Variants in CDH4 observed in about 807,000 individuals in gnomAD.
CDH4 encodes cadherin 4.
In CDH4, 33 loss-of-function variants were observed where a neutral mutation model predicts 86.0. The ratio of observed to expected loss-of-function variants is 0.38; its 90% CI spans 0.29 to 0.51. CDH4 has a LOEUF of 0.51. Ranked by LOEUF, CDH4 falls within the 20% of genes least tolerant of loss-of-function variation. The probability of loss-of-function intolerance (pLI) is 0.86; values close to 1 mark genes in which losing one functional copy is unlikely to be tolerated. For missense variants in CDH4, 1,114 were observed against 1,307.4 expected (o/e 0.85, Z 2.28); for synonymous variants, 555 against 549.4 (o/e 1.01, Z -0.14).
chr20:61,390,172 AGTGCCGTGTCTGGG>A (rs2084974517), intron 2 of CDH4, among the ~76,000 whole-genome samples: 1 of 147,058 alleles, frequency 6.8e-6, no homozygotes, highest in Non-Finnish European at 1.5e-5. Context: ...AGGTGCCCAT[AGTGCCGTGTCTGGG>A]AAACCCCGAT....
chr20:61,593,224 A>G lies in CDH4; in HGVS notation c.170-150339A>G, dbSNP rs183492330. ...AAACTCACACACGCTCATGGGCTAC[A>G]CTTTGTCCGTCCTTGCCTGGGCTGA... On this transcript the variant is annotated intron_variant, in intron 2 of 15. Transcript: ENST00000614565. Among the ~76,000 whole-genome samples the G allele has an allele frequency of 1.9e-4, 29 of 152,366 alleles. No individual in the cohort carries two copies. In the East Asian group the frequency reaches 3.5e-3, roughly 18 times the overall value.
rs1449913916 is a variant in CDH4 at position 61,754,711 on chromosome 20, ACCGCACACACACTGCACGCC to A, written c.396+10933_396+10952del. Among the ~76,000 whole-genome samples, 3 of 141,978 alleles carry A rather than the reference ACCGCACACACACTGCACGCC, an allele frequency of 2.1e-5. No homozygotes were observed. The highest frequency in any genetic ancestry group is 4.6e-5 in the Non-Finnish European group (3 of 65,812). 93.1% of individuals were successfully genotyped at this position (141,978 alleles called of 152,430 possible). A position where few individuals can be genotyped will look rare whatever the true frequency, so the allele number is the denominator to read the frequency against. On this transcript the variant is annotated intron_variant, in intron 3 of 15. Transcript: ENST00000614565. The surrounding 1 kb of genome is among the most constrained non-coding windows in gnomAD (Gnocchi z 4.7). ...CACACACACAGTGCATGCCACACAC[ACCGCACACACACTGCACGCC>A]CCGCACACACTATGCACACCACACA... is the stretch of plus-strand genomic sequence containing the variant.
At chr20:61,933,955 C>A in intron 14 of CDH4, 101 bp from the exon 15 acceptor site, 1 of 1,342,426 alleles carries the variant, frequency 7.4e-7, no homozygotes, top group Admixed American at 1.8e-5. Context: ...CACAGGGCAG[C>A]AGGTGCATCT....
intron 2 of CDH4, among the ~76,000 whole-genome samples, chr20:61,386,140 A>G (rs2084949701): frequency 6.6e-6 from 1 of 152,094 alleles, no homozygotes; most frequent in Non-Finnish European, 1.5e-5. Context: ...CCCCTGTCTC[A>G]TTGTTCGCCT....
intron 2 of CDH4, among the ~76,000 whole-genome samples, chr20:61,466,669 C>T (rs1389021249): frequency 2.0e-5 from 3 of 152,034 alleles, no homozygotes; most frequent in African/African-American, 7.2e-5. Context: ...CATGGCAAAA[C>T]TCTGCCCCTA....
intron 2 of CDH4, among the ~76,000 whole-genome samples, chr20:61,367,867 C>CTTTTTTTTTTTTTTTTT (rs372521090): frequency 1.7e-5 from 2 of 119,078 alleles, no homozygotes; most frequent in Non-Finnish European, 1.7e-5. Flanking sequence ...TCTCCAGGAT[C>CTTTTTTTTTTTTTTTTT]TTTTTTTTTT....
chr20:61,925,331 G>A (rs563487101), intron 11 of CDH4, among the ~76,000 whole-genome samples: 2 of 152,302 alleles, frequency 1.3e-5, no homozygotes, highest in South Asian at 4.1e-4. Context: ...GTGGGAGCAG[G>A]GATTCTGGAA....
chr20:61,587,411 C>T (rs1379863152), intron 2 of CDH4, among the ~76,000 whole-genome samples: 1 of 152,190 alleles, frequency 6.6e-6, no homozygotes, highest in Non-Finnish European at 1.5e-5. Flanking sequence ...GCACAGCCTG[C>T]TGGATTTTAA....
chr20:61,685,676 A>G (rs2085482029), intron 2 of CDH4, among the ~76,000 whole-genome samples: 1 of 152,220 alleles, frequency 6.6e-6, no homozygotes, highest in African/African-American at 2.4e-5. Flanking sequence ...CCCTTTGCAC[A>G]GAGTGAGACT....
intron 2 of CDH4, among the ~76,000 whole-genome samples, chr20:61,328,518 T>C (rs906031026): frequency 1.3e-5 from 2 of 152,204 alleles, no homozygotes; most frequent in African/African-American, 2.4e-5. Context: ...GTGCAGTGGC[T>C]CACACCTGTA....
rs1221730212 is a variant in CDH4 at position 61,572,866 on chromosome 20, T to TGGATGGATGGAC, written c.170-170694_170-170693insTGGATGGACGGA. On this transcript the variant is annotated intron_variant, in intron 2 of 15. Coordinates refer to ENST00000614565, the MANE Select transcript of CDH4 (RefSeq NM_001794.5). ...ATGGATGGATGGATGGATGGATGGA[T>TGGATGGATGGAC]GGACAGACAGAGGGAGAGATGGATG... Among the ~76,000 whole-genome samples the TGGATGGATGGAC allele has an allele frequency of 7.0e-3, 1,055 of 150,542 alleles. 17 individuals are homozygous for TGGATGGATGGAC. The highest frequency in any genetic ancestry group is 0.024 in the African/African-American group (986 of 40,530).
chr20:61,261,906 C>T (rs1106437), intron 2 of CDH4, among the ~76,000 whole-genome samples: 125,574 of 152,170 alleles, frequency 0.83, 52,187 homozygotes, highest in Non-Finnish European at 0.87. Context: ...TAGAAGAGCC[C>T]GCGGCTTCTG....
In CDH4 at chr20:61,940,394, C is replaced by CT. The variant is rs970453127; in HGVS notation, c.*3458dup. The stretch of plus-strand genomic sequence containing the variant: ...AGCATCGCGAGGTTAAACGTTCCAC[C>CT]TTTTTTTGTAATCGTCAACAGCACA... On this transcript the variant is annotated 3_prime_UTR_variant, in exon 16 of 16. Transcript: ENST00000614565. The CT allele has an allele frequency of 2.6e-5, 4 of 151,600 alleles. No homozygotes were observed. Among genetic ancestry groups the CT allele is most frequent in the East Asian group, 3.9e-4 (2 of 5,166 alleles). 9.4% of individuals were successfully genotyped at this position (151,600 alleles called of 1,614,324 possible). A position where few individuals can be genotyped will look rare whatever the true frequency, so the allele number is the denominator to read the frequency against.
At chr20:61,815,022 C>G (rs1192575398) in intron 4 of CDH4, among the ~76,000 whole-genome samples, 9 of 152,196 alleles carry the variant, frequency 5.9e-5, no homozygotes, top group Non-Finnish European at 1.2e-4. Context: ...TTCTCCCTAT[C>G]CTGCCTGGCT....
At chr20:61,537,632 C>T (rs1001498879) in intron 2 of CDH4, among the ~76,000 whole-genome samples, 1 of 152,194 alleles carries the variant, frequency 6.6e-6, no homozygotes, top group Non-Finnish European at 1.5e-5. Flanking sequence ...AAGCGGGCTT[C>T]GCGGACAGGC....
chr20:61,456,593 T>C (rs962387774), intron 2 of CDH4, among the ~76,000 whole-genome samples: 9 of 152,200 alleles, frequency 5.9e-5, no homozygotes, highest in Non-Finnish European at 1.2e-4. Flanking sequence ...CGGGAAACTC[T>C]GCTGAAGGTG....
At chr20:61,593,857 G>A (rs1319478718) in intron 2 of CDH4, among the ~76,000 whole-genome samples, 1 of 151,306 alleles carries the variant, frequency 6.6e-6, no homozygotes, top group Non-Finnish European at 1.5e-5. Context: ...GGTGCGTGCT[G>A]CTCACCAAGG....
Position 61,703,050 on chromosome 20 carries a change from C to T in CDH4, c.170-40513C>T, listed in dbSNP as rs764380527. 2.6e-4 allele frequency among the ~76,000 whole-genome samples: 39 copies of T among 152,102 alleles called. No individual in the cohort carries two copies. The highest frequency in any genetic ancestry group is 4.7e-4 in the Non-Finnish European group (32 of 68,026). On this transcript the variant is annotated intron_variant, in intron 2 of 15. Coordinates refer to ENST00000614565, the MANE Select transcript of CDH4 (RefSeq NM_001794.5). This position sits in a 1 kb window ranked among gnomAD's most constrained non-coding sequence, Gnocchi z 4.3. The stretch of plus-strand genomic sequence containing the variant: ...CGTGCCGTGGTCAGTGCCATGTTTT[C>T]GGGTAGAGCAATGAACATAAAGGAT...
Position 61,676,329 on chromosome 20 carries a change from G to A in CDH4, c.170-67234G>A, listed in dbSNP as rs1300037349. Among the ~76,000 whole-genome samples the A allele has an allele frequency of 6.6e-6, 1 of 152,148 alleles. No individual in the cohort carries two copies. Among genetic ancestry groups the A allele is most frequent in the African/African-American group, 2.4e-5 (1 of 41,436 alleles). ...AATGAATAGTGCGATTGAATACTGC[G>A]GCCCCCAGAGGAGGTGGGATTGCAT... On this transcript the variant is annotated intron_variant, in intron 2 of 15. Transcript: ENST00000614565. This position sits in a 1 kb window ranked among gnomAD's most constrained non-coding sequence, Gnocchi z 4.5.
Sources: gnomAD v4.1 joint callset for allele counts (sites outside exome capture counted in the v4.1 genomes callset) on GRCh38, gnomAD v4.1.1 for gene constraint, Gnocchi (gnomAD v3.1) non-coding constraint, MANE v1.5 for transcripts, NCBI Gene and HGNC (gene_info 2026-07-23, HGNC 2026-07-21) for gene names.